The following MICU1 variants were observed in gnomAD, a reference collection of about 807,000 sequenced individuals.
MICU1 encodes the protein calcium uptake protein 1, mitochondrial.
In MICU1, 45 loss-of-function variants were observed where a neutral mutation model predicts 56.8. That is an observed-to-expected ratio of 0.79 (90% CI 0.62 to 1.02). The LOEUF is 1.02. MICU1 is among the 50% of genes least tolerant of loss of function. The pLI is 0.00. For synonymous variants in MICU1, 186 were observed against 195.1 expected, an observed-to-expected ratio of 0.95 and a Z score of 0.39; for missense variants, 504 against 587.1, an observed-to-expected ratio of 0.86 and a Z score of 1.46.
chr10:72,412,422 C>T (rs1037426751), intron 9 of MICU1, among the ~76,000 whole-genome samples: 2 of 152,072 alleles, frequency 1.3e-5, no homozygotes, highest in African/African-American at 2.4e-5. Flanking sequence ...TTATATAAAC[C>T]GGGCTCTAGG....
chr10:72,414,023 T>G (rs967661786), intron 9 of MICU1, among the ~76,000 whole-genome samples: 1 of 152,200 alleles, frequency 6.6e-6, no homozygotes, highest in Admixed American at 6.5e-5. Flanking sequence ...TCTCGTATAT[T>G]CACATGGAGA....
At chr10:72,445,905 A>C (rs1167371504) in intron 8 of MICU1, among the ~76,000 whole-genome samples, 1 of 152,224 alleles carries the variant, frequency 6.6e-6, no homozygotes, top group Non-Finnish European at 1.5e-5. Flanking sequence ...ATAAGAACTA[A>C]GGACTAACTG....
chr10:72,368,014 C>G lies in MICU1; in HGVS notation c.*181G>C, dbSNP rs1342858857. On this transcript the variant is annotated 3_prime_UTR_variant, in exon 12 of 12. Coordinates refer to ENST00000361114, the MANE Select transcript of MICU1 (RefSeq NM_001195518.2). ...TATGGGGATACTCATTGGGCAGAAT[C>G]AGAGCCCAGCAGAACACGGGGACGG... 5 of 599,254 alleles carry G rather than the reference C, an allele frequency of 8.3e-6. No individual in the cohort carries two copies. The highest frequency in any genetic ancestry group is 1.4e-5 in the Non-Finnish European group (5 of 347,914). 37.1% of individuals were successfully genotyped at this position (599,254 alleles called of 1,614,324 possible).
At chr10:72,550,537 G>A (rs1212222089) in intron 4 of MICU1, among the ~76,000 whole-genome samples, 2 of 152,184 alleles carry the variant, frequency 1.3e-5, no homozygotes, top group East Asian at 1.9e-4. Flanking sequence ...ATGAATTAGT[G>A]AATATCAACC....
At chr10:72,396,936 A>G (rs921616448) in intron 10 of MICU1, among the ~76,000 whole-genome samples, 1 of 152,186 alleles carries the variant, frequency 6.6e-6, no homozygotes, top group Non-Finnish European at 1.5e-5. Flanking sequence ...TACAGAGAAC[A>G]CCACAAAGAT....
At chr10:72,392,505 A>G (rs922637845) in intron 10 of MICU1, among the ~76,000 whole-genome samples, 3 of 152,170 alleles carry the variant, frequency 2.0e-5, no homozygotes, top group African/African-American at 7.2e-5. Context: ...TGGGAAGCAG[A>G]GGTTGCGGTG....
chr10:72,407,461 C>T (rs1324651148), intron 10 of MICU1, among the ~76,000 whole-genome samples: 4 of 152,118 alleles, frequency 2.6e-5, no homozygotes, highest in African/African-American at 7.2e-5. Context: ...CAAACTGTAA[C>T]TGAATTTCTA....
At chr10:72,504,868 T>C (rs1867191430) in intron 6 of MICU1, among the ~76,000 whole-genome samples, 1 of 151,908 alleles carries the variant, frequency 6.6e-6, no homozygotes, top group South Asian at 2.1e-4. Context: ...CCAACAAACA[T>C]GAAAAAATGC....
chr10:72,546,341 T>C (rs1839893199), intron 4 of MICU1, among the ~76,000 whole-genome samples: 2 of 152,218 alleles, frequency 1.3e-5, no homozygotes, highest in African/African-American at 4.8e-5. Flanking sequence ...TAGTGAACTG[T>C]AACCTAACTG....
intron 8 of MICU1, among the ~76,000 whole-genome samples, chr10:72,441,508 T>C (rs1864926275): frequency 1.4e-5 from 2 of 144,528 alleles, no homozygotes; most frequent in South Asian, 4.4e-4. Context: ...TACCTGTGTA[T>C]CAAACCTGCA....
chr10:72,457,626 G>C (rs763639559), intron 8 of MICU1, among the ~76,000 whole-genome samples: 1 of 151,952 alleles, frequency 6.6e-6, no homozygotes, highest in Non-Finnish European at 1.5e-5. Flanking sequence ...AAGTACAACT[G>C]TTCAATTAAC....
At chr10:72,543,504 T>A (rs1270229348) in intron 4 of MICU1, among the ~76,000 whole-genome samples, 2 of 98,172 alleles carry the variant, frequency 2.0e-5, no homozygotes, top group African/African-American at 6.8e-5. Context: ...CGAGACCCCA[T>A]CTCAATCAAT....
chr10:72,458,710 T>G (rs982461975), intron 8 of MICU1, among the ~76,000 whole-genome samples: 7 of 151,244 alleles, frequency 4.6e-5, no homozygotes, highest in East Asian at 1.9e-4. Context: ...TCCTGTTTTT[T>G]TTTTTTTTTT....
chr10:72,517,770 T>C (rs765314926), intron 5 of MICU1, among the ~76,000 whole-genome samples: 80 of 133,886 alleles, frequency 6.0e-4, no homozygotes, highest in Middle Eastern at 3.8e-3. Context: ...CAAAAACCTA[T>C]GGAAATAAAA....
chr10:72,403,629 T>TTGTGTGTG (rs60373032), intron 10 of MICU1, among the ~76,000 whole-genome samples: 2,889 of 139,878 alleles, frequency 0.021, 46 homozygotes, highest in Admixed American at 0.053. Context: ...CATACCAAAA[T>TTGTGTGTG]TGTGTGTGTG....
chr10:72,479,226 T>G (rs1467185847), intron 6 of MICU1, among the ~76,000 whole-genome samples: 1 of 152,162 alleles, frequency 6.6e-6, no homozygotes, highest in Admixed American at 6.5e-5. Flanking sequence ...TGAACTTAAG[T>G]CAACACTGAC....
intron 5 of MICU1, among the ~76,000 whole-genome samples, chr10:72,519,083 A>G (rs1404131361): frequency 6.6e-6 from 1 of 152,240 alleles, no homozygotes; most frequent in Non-Finnish European, 1.5e-5. Context: ...GATTCCAATC[A>G]CTTGAATCTC....
chr10:72,403,476 C>T (rs1475907871), intron 10 of MICU1, among the ~76,000 whole-genome samples: 2 of 151,542 alleles, frequency 1.3e-5, no homozygotes, highest in African/African-American at 4.9e-5. Context: ...TTTGACCTAC[C>T]AAAGTGTTGG....
intron 8 of MICU1, among the ~76,000 whole-genome samples, chr10:72,452,373 G>A (rs1865326707): frequency 6.6e-6 from 1 of 152,082 alleles, no homozygotes; most frequent in Non-Finnish European, 1.5e-5. Flanking sequence ...CTGGAGGCAG[G>A]GAAGTTAATC....
Sources: allele counts gnomAD v4.1 joint callset (sites outside exome capture counted in the v4.1 genomes callset), GRCh38; gene constraint gnomAD v4.1.1; transcripts MANE v1.5; gene names NCBI Gene and HGNC (gene_info 2026-07-23, HGNC 2026-07-21).